SRBD1: variants seen among roughly 807,000 people sequenced by gnomAD.
SRBD1 encodes the protein S1 RNA binding domain 1, also known as S1 RNA-binding domain-containing protein 1.
SRBD1 carries 88 observed loss-of-function variants against 115.3 expected under a neutral mutation model. The observed-to-expected ratio is 0.76, with a 90% confidence interval of 0.64 to 0.91. The LOEUF is 0.91. Among genes scored for constraint, SRBD1 ranks in the 40% least tolerant of loss-of-function variants. The pLI is 0.00. For missense variants in SRBD1, 1,385 were observed against 1,177.4 expected (o/e 1.18, Z -2.58); for synonymous variants, 509 against 407.7 (o/e 1.25, Z -2.99).
At chr2:45,430,323 C>G (rs976370812) in intron 16 of SRBD1, among the ~76,000 whole-genome samples, 5 of 152,174 alleles carry the variant, frequency 3.3e-5, no homozygotes, top group Non-Finnish European at 5.9e-5. Context: ...CAAAAAAGAG[C>G]CCATATGGCC....
At chr2:45,500,924 G>A (rs530940731) in intron 14 of SRBD1, among the ~76,000 whole-genome samples, 7 of 152,216 alleles carry the variant, frequency 4.6e-5, no homozygotes, top group Non-Finnish European at 8.8e-5. Context: ...GGTCTATGTT[G>A]GATAGAAGTG....
intron 10 of SRBD1, among the ~76,000 whole-genome samples, chr2:45,556,362 T>C (rs994038451): frequency 6.6e-6 from 1 of 150,468 alleles, no homozygotes; most frequent in Non-Finnish European, 1.5e-5. Context: ...GTTAAAGATA[T>C]GAAGAGCTCA....
At chr2:45,412,196 T>C (rs918055182) in intron 19 of SRBD1, among the ~76,000 whole-genome samples, 1 of 152,180 alleles carries the variant, frequency 6.6e-6, no homozygotes, top group Non-Finnish European at 1.5e-5. Context: ...AAAATGTTAA[T>C]GATAACATCT....
intron 16 of SRBD1, among the ~76,000 whole-genome samples, chr2:45,431,081 C>A (rs541296475): frequency 6.6e-6 from 1 of 152,308 alleles, no homozygotes; most frequent in East Asian, 1.9e-4. Flanking sequence ...ATCAAAACCA[C>A]AATGAGATAC....
intron 16 of SRBD1, among the ~76,000 whole-genome samples, chr2:45,441,393 C>T (rs769287206): frequency 6.6e-6 from 1 of 152,192 alleles, no homozygotes; most frequent in Non-Finnish European, 1.5e-5. Flanking sequence ...TTATTATCAC[C>T]TGATGCACAC....
At chr2:45,461,103 C>A (rs1669301423) in intron 16 of SRBD1, among the ~76,000 whole-genome samples, 1 of 152,170 alleles carries the variant, frequency 6.6e-6, no homozygotes. Flanking sequence ...ATCTCCTGGA[C>A]TTTGTCAACT....
chr2:45,521,517 G>A (rs530370501), intron 14 of SRBD1, among the ~76,000 whole-genome samples: 1 of 152,176 alleles, frequency 6.6e-6, no homozygotes, highest in East Asian at 1.9e-4. Context: ...TGCTGACAAA[G>A]ATGTGAAGAA....
intron 9 of SRBD1, among the ~76,000 whole-genome samples, chr2:45,567,287 C>T (rs1672859315): frequency 6.6e-6 from 1 of 151,966 alleles, no homozygotes; most frequent in Middle Eastern, 3.2e-3. Flanking sequence ...CTAAAGTAAA[C>T]ATCAGCAGAA....
In SRBD1 at chr2:45,393,112, C is replaced by T. The variant is rs1377475754; in HGVS notation, c.2531G>A (p.Gly844Glu). 1 of 1,602,224 alleles carries T rather than the reference C, an allele frequency of 6.2e-7. No individual in the cohort carries two copies. Among genetic ancestry groups the T allele is most frequent in the Non-Finnish European group, 8.5e-7 (1 of 1,176,390 alleles). Residue 844 changes from glycine (G) to glutamate (E), a missense_variant, in exon 20 of 21, where the codon GGA becomes GAA. Coordinates refer to ENST00000263736, the MANE Select transcript of SRBD1 (RefSeq NM_018079.5). ...CTTTCCAACCTCATACAGTGTCCCT[C>T]CAATGGATGACAAAAACCTGCAGTG... ...DIAMRFLSSI[G>E]GTLYEVGKPE...
intron 11 of SRBD1, among the ~76,000 whole-genome samples, chr2:45,553,043 G>A (rs1205352853): frequency 1.3e-5 from 2 of 152,126 alleles, no homozygotes; most frequent in African/African-American, 4.8e-5. Flanking sequence ...TAAAGATTGG[G>A]TGCAAAAACA....
At chr2:45,442,505 A>G (rs1668700208) in intron 16 of SRBD1, among the ~76,000 whole-genome samples, 1 of 152,206 alleles carries the variant, frequency 6.6e-6, no homozygotes, top group Admixed American at 6.5e-5. Flanking sequence ...TAGGTCACAG[A>G]GTTAAAGAAA....
In SRBD1 at chr2:45,488,328, G is replaced by T; in HGVS notation, c.1878C>A (p.Ile626=). Residue 626 remains isoleucine (I), a synonymous_variant, in exon 15 of 21, where the codon ATC becomes ATA. Transcript: ENST00000263736. ...AGATTGATGCTCCTGCTTCACTGAC[G>T]ATACTGAGAAGACAGAAAAAGGGGA... ...YFAPLDVVYC[I]VSEAGASIYS... 2 of 1,612,062 alleles carry T rather than the reference G, an allele frequency of 1.2e-6. No individual in the cohort carries two copies. The highest frequency in any genetic ancestry group is 1.1e-5 in the South Asian group (1 of 90,946).
intron 16 of SRBD1, among the ~76,000 whole-genome samples, chr2:45,465,046 C>CACACAT (rs58921931): frequency 0.034 from 4,785 of 141,558 alleles, 227 homozygotes; most frequent in East Asian, 0.091. Context: ...CACACACACA[C>CACACAT]ACAGAGTCAT....
chr2:45,510,557 T>C (rs952647515), intron 14 of SRBD1, among the ~76,000 whole-genome samples: 4 of 152,192 alleles, frequency 2.6e-5, no homozygotes. Context: ...TCACATTAAA[T>C]GGATCACAGG....
chr2:45,477,093 G>A lies in SRBD1; in HGVS notation c.1967-18C>T, dbSNP rs148797433. 2.7e-5 allele frequency: 44 copies of A among 1,604,600 alleles called. No individual in the cohort carries two copies. The East Asian group carries it at 7.6e-4, about 28-fold the overall frequency. ...TATGGAAACTGAAAAAACAGAATCAGAAAACAAGTATGACTTAATGTGAAA... is the reference window on the plus strand; with the variant it reads ...TATGGAAACTGAAAAAACAGAATCAAAAAACAAGTATGACTTAATGTGAAA... On this transcript the variant is annotated intron_variant, in intron 15 of 20. Coordinates refer to ENST00000263736, the MANE Select transcript of SRBD1 (RefSeq NM_018079.5).
chr2:45,416,296 T>C (rs1048653605), intron 18 of SRBD1, among the ~76,000 whole-genome samples: 1 of 152,110 alleles, frequency 6.6e-6, no homozygotes, highest in East Asian at 1.9e-4. Context: ...TACAGTAACA[T>C]TGCTAGCAAA....
intron 19 of SRBD1, among the ~76,000 whole-genome samples, chr2:45,394,828 T>A (rs529088538): frequency 6.6e-6 from 1 of 152,340 alleles, no homozygotes; most frequent in South Asian, 2.1e-4. Flanking sequence ...TTTTGGTTAA[T>A]AGTCTAATAA....
At chr2:45,447,031 G>C (rs1467836727) in intron 16 of SRBD1, 1 of 152,144 alleles carries the variant, frequency 6.6e-6, no homozygotes, top group Middle Eastern at 3.2e-3. Flanking sequence ...AATTTTCTAT[G>C]TACTACTAGT....
intron 14 of SRBD1, among the ~76,000 whole-genome samples, chr2:45,491,189 C>G (rs577840049): frequency 2.5e-4 from 38 of 151,982 alleles, no homozygotes; most frequent in Admixed American, 4.6e-4. Context: ...ACTAAATTTA[C>G]GAAAACACTT....
Sources: gnomAD v4.1 joint callset for allele counts (sites outside exome capture counted in the v4.1 genomes callset) on GRCh38, gnomAD v4.1.1 for gene constraint, MANE v1.5 for transcripts, NCBI Gene and HGNC (gene_info 2026-07-23, HGNC 2026-07-21) for gene names.